GRM5: variants seen among roughly 807,000 people sequenced by gnomAD.
GRM5 encodes the protein glutamate metabotropic receptor 5, also known as metabotropic glutamate receptor 5.
In GRM5, 19 loss-of-function variants were observed where a neutral mutation model predicts 83.1. That is an observed-to-expected ratio of 0.23 (90% CI 0.16 to 0.34). The LOEUF is 0.34. Among genes scored for constraint, GRM5 ranks in the 10% least tolerant of loss-of-function variants. The probability of loss-of-function intolerance (pLI) is 1.00; values close to 1 mark genes in which losing one functional copy is unlikely to be tolerated. For missense variants in GRM5, 1,160 were observed against 1,588.3 expected (o/e 0.73, Z 4.58); for synonymous variants, 675 against 633.6 (o/e 1.07, Z -0.98).
In GRM5 at chr11:88,976,696, T is replaced by TTC. The variant is rs1939348054; in HGVS notation, c.661+70515_661+70516insGA. On this transcript the variant is annotated intron_variant, in intron 2 of 9. Coordinates refer to ENST00000305447, the MANE Select transcript of GRM5 (RefSeq NM_001143831.3). ...TATATACAGAAGCAACACTCAATAA[T>TTC]TGTTTGCTGAATTGAGCATCCAGAG... Among the ~76,000 whole-genome samples, 5 of 152,304 alleles carry TTC rather than the reference T, an allele frequency of 3.3e-5. No homozygotes were observed. In the East Asian group the frequency reaches 9.6e-4, roughly 29 times the overall value.
At chr11:89,013,219 G>T (rs1329862578) in intron 2 of GRM5, among the ~76,000 whole-genome samples, 2 of 152,092 alleles carry the variant, frequency 1.3e-5, no homozygotes, top group Non-Finnish European at 2.9e-5. Context: ...CTAAGCATAT[G>T]TGTTATTTTT....
chr11:88,846,494 T>C (rs1944305867), intron 3 of GRM5, among the ~76,000 whole-genome samples: 1 of 152,222 alleles, frequency 6.6e-6, no homozygotes. Context: ...ATTCTATTGA[T>C]GTGCAGCACA....
intron 7 of GRM5, among the ~76,000 whole-genome samples, chr11:88,585,279 T>G (rs1366320211): frequency 2.6e-5 from 4 of 152,336 alleles, no homozygotes; most frequent in Admixed American, 2.6e-4. Context: ...TAAATGTGTA[T>G]GCTTTTCTTT....
rs199965117 is a variant in GRM5, at chr11:89,047,722, T to C, written c.151A>G (p.Lys51Glu). The C allele has an allele frequency of 6.2e-7, 1 of 1,614,144 alleles. No individual in the cohort carries two copies. Among genetic ancestry groups the C allele is most frequent in the Non-Finnish European group, 8.5e-7 (1 of 1,180,022 alleles). Residue 51 changes from lysine to glutamate, a missense_variant, in exon 2 of 10, where the codon AAA becomes GAA. Coordinates refer to ENST00000305447, the MANE Select transcript of GRM5 (RefSeq NM_001143831.3). The surrounding 1 kb of genome is among the most constrained non-coding windows in gnomAD (Gnocchi z 5.1). ...FSVHHQPTVDKVHERKCGAVR... is the reference protein window; with the variant it reads ...FSVHHQPTVDEVHERKCGAVR... ...GCCCCACACTTCCTCTCATGAACTT[T>C]GTCCACAGTAGGCTGGTGATGAACA...
intron 2 of GRM5, among the ~76,000 whole-genome samples, chr11:89,018,526 T>C (rs1768592658): frequency 6.6e-6 from 1 of 152,190 alleles, no homozygotes; most frequent in Non-Finnish European, 1.5e-5. Flanking sequence ...TAAAAATTTA[T>C]TCTACTATGT....
At chr11:88,974,271 G>A (rs1410071777) in intron 2 of GRM5, among the ~76,000 whole-genome samples, 2 of 152,004 alleles carry the variant, frequency 1.3e-5, no homozygotes, top group Non-Finnish European at 2.9e-5. Flanking sequence ...TGTGAAGGTG[G>A]GCATTTGCCT....
chr11:88,829,278 T>C (rs1373783865), intron 3 of GRM5, among the ~76,000 whole-genome samples: 1 of 152,142 alleles, frequency 6.6e-6, no homozygotes, highest in Admixed American at 6.5e-5. Context: ...CTGGCCAATG[T>C]GGCAAAACCC....
At chr11:88,782,511 C>T (rs1359722652) in intron 3 of GRM5, among the ~76,000 whole-genome samples, 2 of 152,134 alleles carry the variant, frequency 1.3e-5, no homozygotes, top group East Asian at 1.9e-4. Flanking sequence ...GGGTCCCTTC[C>T]ACAACACATG....
intron 3 of GRM5, among the ~76,000 whole-genome samples, chr11:88,707,233 G>C (rs1187869174): frequency 6.6e-6 from 1 of 152,074 alleles, no homozygotes; most frequent in Non-Finnish European, 1.5e-5. Flanking sequence ...TATTACAGTA[G>C]CTATCACATA....
intron 5 of GRM5, among the ~76,000 whole-genome samples, chr11:88,598,278 G>A (rs1937877724): frequency 6.6e-6 from 1 of 152,092 alleles, no homozygotes; most frequent in African/African-American, 2.4e-5. Flanking sequence ...TGATATGAAT[G>A]GAAAATGTTC....
intron 2 of GRM5, among the ~76,000 whole-genome samples, chr11:88,915,550 G>T (rs577508739): frequency 1.1e-4 from 16 of 148,534 alleles, no homozygotes; most frequent in Middle Eastern, 3.5e-3. Context: ...CAATTTTCTT[G>T]CAAAGGTCAT....
intron 3 of GRM5, among the ~76,000 whole-genome samples, chr11:88,764,368 AG>A (rs1389621071): frequency 6.6e-6 from 1 of 151,754 alleles, no homozygotes; most frequent in Non-Finnish European, 1.5e-5. Context: ...AGACATATAC[AG>A]AAGAACACTC....
At chr11:88,957,771 C>A (rs1170427570) in intron 2 of GRM5, among the ~76,000 whole-genome samples, 4 of 151,996 alleles carry the variant, frequency 2.6e-5, no homozygotes, top group Admixed American at 2.6e-4. Context: ...CCCATAGAGA[C>A]AATATTTTTT....
chr11:88,952,672 G>A (rs1459995050), intron 2 of GRM5, among the ~76,000 whole-genome samples: 1 of 151,988 alleles, frequency 6.6e-6, no homozygotes, highest in African/African-American at 2.4e-5. Flanking sequence ...AAGTCACAGG[G>A]TTTTTGATGA....
chr11:88,806,484 C>A (rs891267660), intron 3 of GRM5, among the ~76,000 whole-genome samples: 2 of 152,094 alleles, frequency 1.3e-5, no homozygotes, highest in African/African-American at 2.4e-5. Flanking sequence ...CAAATGAGTT[C>A]GAATTCCTTT....
At chr11:88,946,769 G>A (rs375331747) in intron 2 of GRM5, among the ~76,000 whole-genome samples, 1 of 152,036 alleles carries the variant, frequency 6.6e-6, no homozygotes, top group Non-Finnish European at 1.5e-5. Flanking sequence ...TACGTTTTGC[G>A]TTTTTGACAT....
intron 5 of GRM5, 150 bp from the exon 6 acceptor site, chr11:88,597,502 AT>A (rs977257825): frequency 1.2e-5 from 6 of 517,802 alleles, no homozygotes; most frequent in Non-Finnish European, 2.0e-5. Flanking sequence ...AACAAAAAAA[AT>A]CTGTCTATTT....
chr11:88,945,769 A>C (rs190637850), intron 2 of GRM5, among the ~76,000 whole-genome samples: 1 of 152,124 alleles, frequency 6.6e-6, no homozygotes. Context: ...GTAAGACCTC[A>C]AACTATAAGG....
At chr11:88,814,179 G>A (rs540916362) in intron 3 of GRM5, among the ~76,000 whole-genome samples, 1 of 152,288 alleles carries the variant, frequency 6.6e-6, no homozygotes, top group Non-Finnish European at 1.5e-5. Flanking sequence ...CAATGTAGGA[G>A]AGTAATCCCT....
Sources: gnomAD v4.1 joint callset for allele counts (sites outside exome capture counted in the v4.1 genomes callset) on GRCh38, gnomAD v4.1.1 for gene constraint, Gnocchi (gnomAD v3.1) non-coding constraint, MANE v1.5 for transcripts, NCBI Gene and HGNC (gene_info 2026-07-23, HGNC 2026-07-21) for gene names.